Variants in SLC39A11 observed in about 807,000 individuals in gnomAD.
SLC39A11 encodes the protein zinc transporter ZIP11.
SLC39A11 carries 33 observed loss-of-function variants against 36.1 expected under a neutral mutation model. That is an observed-to-expected ratio of 0.91 (90% CI 0.69 to 1.22). SLC39A11 has a LOEUF of 1.22. Ranked by LOEUF, SLC39A11 falls within the 50% of genes most tolerant of loss-of-function variation. SLC39A11 has a pLI of 0.00. For synonymous variants in SLC39A11, 166 were observed against 170.3 expected (o/e 0.97, Z 0.20); for missense variants, 432 against 430.3 (o/e 1.00, Z -0.03).
chr17:73,056,262 T>A (rs1283433423), intron 3 of SLC39A11, among the ~76,000 whole-genome samples: 2 of 151,870 alleles, frequency 1.3e-5, no homozygotes. Flanking sequence ...TCCACCTCCC[T>A]GGTTCAAGCA....
chr17:72,701,807 A>G (rs1178253965), intron 7 of SLC39A11, among the ~76,000 whole-genome samples: 1 of 63,050 alleles, frequency 1.6e-5, no homozygotes, highest in Non-Finnish European at 3.6e-5. Flanking sequence ...AAAAAAAAAA[A>G]GAACATAGAC....
At chr17:73,050,397 G>T (rs2059453393) in intron 3 of SLC39A11, among the ~76,000 whole-genome samples, 1 of 149,410 alleles carries the variant, frequency 6.7e-6, no homozygotes, top group South Asian at 2.1e-4. Context: ...GCGGGGAGGA[G>T]AGTGGGTCCT....
At chr17:72,918,561 G>C (rs534058886) in intron 5 of SLC39A11, among the ~76,000 whole-genome samples, 1 of 152,380 alleles carries the variant, frequency 6.6e-6, no homozygotes, top group Non-Finnish European at 1.5e-5. Flanking sequence ...TGGGAGGAAA[G>C]TGAGTCTATT....
At chr17:72,858,129 A>T (rs2079757763) in intron 5 of SLC39A11, among the ~76,000 whole-genome samples, 1 of 152,186 alleles carries the variant, frequency 6.6e-6, no homozygotes, top group Non-Finnish European at 1.5e-5. Context: ...TAAGTCTTGA[A>T]TCCATCTTGA....
At chr17:72,705,454 A>G (rs1029682151) in intron 7 of SLC39A11, among the ~76,000 whole-genome samples, 1 of 152,180 alleles carries the variant, frequency 6.6e-6, no homozygotes, top group African/African-American at 2.4e-5. Flanking sequence ...AGCTGCATCA[A>G]TTCTCTCATC....
At chr17:72,926,754 T>C (rs760294566) in intron 5 of SLC39A11, among the ~76,000 whole-genome samples, 6 of 152,122 alleles carry the variant, frequency 3.9e-5, no homozygotes, top group Non-Finnish European at 5.9e-5. Flanking sequence ...TTTTAATTAG[T>C]TGTTATCTTT....
At chr17:72,941,520 C>G (rs1598503326) in intron 5 of SLC39A11, among the ~76,000 whole-genome samples, 1 of 151,358 alleles carries the variant, frequency 6.6e-6, no homozygotes, top group South Asian at 2.1e-4. Flanking sequence ...AAAATTTGCT[C>G]TGAAATTACT....
intron 5 of SLC39A11, among the ~76,000 whole-genome samples, chr17:72,939,110 T>C (rs1040606139): frequency 1.3e-5 from 2 of 152,184 alleles, no homozygotes; most frequent in African/African-American, 4.8e-5. Flanking sequence ...TTGGTCAATG[T>C]ACAGTGCTGA....
intron 7 of SLC39A11, among the ~76,000 whole-genome samples, chr17:72,654,358 G>A (rs1273377675): frequency 1.3e-5 from 2 of 152,136 alleles, no homozygotes; most frequent in African/African-American, 2.4e-5. Context: ...TCAGTTATAG[G>A]ATGCTGACAA....
chr17:72,785,340 A>C (rs1324516327), intron 6 of SLC39A11, among the ~76,000 whole-genome samples: 1 of 152,028 alleles, frequency 6.6e-6, no homozygotes, highest in East Asian at 1.9e-4. Flanking sequence ...TCTCTCCTCC[A>C]TGGCTAGATG....
intron 4 of SLC39A11, among the ~76,000 whole-genome samples, chr17:72,972,576 C>G (rs2087537408): frequency 6.6e-6 from 1 of 152,126 alleles, no homozygotes; most frequent in Non-Finnish European, 1.5e-5. Flanking sequence ...GGGCCCTGAG[C>G]CAACGGAGAC....
At chr17:72,947,612 T>A (rs1261993827) in intron 5 of SLC39A11, 140 bp downstream of exon 5, 1 of 1,242,650 alleles carries the variant, frequency 8.0e-7, no homozygotes, top group East Asian at 2.3e-5. Context: ...CATGCAGTAG[T>A]AGGGTGAGTG....
chr17:72,973,405 TAGA>T (rs1191297074), intron 4 of SLC39A11, among the ~76,000 whole-genome samples: 1 of 151,686 alleles, frequency 6.6e-6, no homozygotes, highest in Non-Finnish European at 1.5e-5. Flanking sequence ...GAAGGGCAAG[TAGA>T]AGATGAGAAG....
chr17:72,777,478 T>C lies in SLC39A11; in HGVS notation c.602-40759A>G, dbSNP rs1032053822. On this transcript the variant is annotated intron_variant, in intron 6 of 9. Transcript: ENST00000255559. The stretch of plus-strand genomic sequence containing the variant: ...GGATTAGGGTGGGTCCCCAATCCAA[T>C]GACGAGTGTCCCTATAAAAAACGAA... 2.0e-5 allele frequency among the ~76,000 whole-genome samples: 3 copies of C among 152,210 alleles called. No individual in the cohort carries two copies. The East Asian group carries it at 5.8e-4, about 29-fold the overall frequency.
In SLC39A11 at chr17:72,840,487, G is replaced by A. The variant is rs372637565; in HGVS notation, c.601+9147C>T. Among the ~76,000 whole-genome samples, 47 of 152,340 alleles carry A rather than the reference G, an allele frequency of 3.1e-4. 1 individual carries two copies. The East Asian group carries it at 7.3e-3, about 24-fold the overall frequency. ...GAAAGAAAATTAGGCGGCTGGGAGT[G>A]GTGGCTCACACCTGTAATCCCAGCA... On this transcript the variant is annotated intron_variant, in intron 6 of 9. Coordinates refer to ENST00000255559, the MANE Select transcript of SLC39A11 (RefSeq NM_139177.4).
At chr17:72,754,283 G>A (rs879855915) in intron 6 of SLC39A11, among the ~76,000 whole-genome samples, 6 of 151,956 alleles carry the variant, frequency 3.9e-5, no homozygotes, top group African/African-American at 7.3e-5. Flanking sequence ...AATGGACTTC[G>A]GGGACTTGGG....
Position 72,927,074 on chromosome 17 carries a change from T to A in SLC39A11, c.430+20678A>T, listed in dbSNP as rs547580383. Among the ~76,000 whole-genome samples, 136 of 152,056 alleles carry A rather than the reference T, an allele frequency of 8.9e-4. 3 individuals carry two copies. In the South Asian group the frequency reaches 0.024, roughly 27 times the overall value. On this transcript the variant is annotated intron_variant, in intron 5 of 9. Coordinates refer to ENST00000255559, the MANE Select transcript of SLC39A11 (RefSeq NM_139177.4). ...GTTTTATTTATTTACTGAGACAGAG[T>A]CTCCCTCTGTCGCCCAGGCTGGAGT...
intron 6 of SLC39A11, among the ~76,000 whole-genome samples, chr17:72,834,605 G>C (rs1598920295): frequency 6.8e-6 from 1 of 146,190 alleles, no homozygotes; most frequent in Admixed American, 6.7e-5. Context: ...CTGGGCCACA[G>C]AGTGAGACTC....
Position 72,969,774 on chromosome 17 carries a change from T to C in SLC39A11, c.307-21899A>G, listed in dbSNP as rs150192536. On this transcript the variant is annotated intron_variant, in intron 4 of 9. Transcript: ENST00000255559. ...AAACGGATGGCAACACTAAAATAGA[T>C]GGGTGGCAGAGAGCTTGTTGGTTTT... is the stretch of plus-strand genomic sequence containing the variant. Among the ~76,000 whole-genome samples, 286 of 152,278 alleles carry C rather than the reference T, an allele frequency of 1.9e-3. 2 individuals are homozygous for C. The highest frequency in any genetic ancestry group is 6.6e-3 in the African/African-American group (276 of 41,552).
Sources: allele counts gnomAD v4.1 joint callset (sites outside exome capture counted in the v4.1 genomes callset), GRCh38; gene constraint gnomAD v4.1.1; transcripts MANE v1.5; gene names NCBI Gene and HGNC (gene_info 2026-07-23, HGNC 2026-07-21).